The following BCAP31 variants were observed in gnomAD, a reference collection of about 807,000 sequenced individuals.
The protein encoded by BCAP31 is B-cell receptor-associated protein 31.
For missense variants in BCAP31, 124 were observed against 193.0 expected (o/e 0.64, Z 2.12); for synonymous variants, 75 against 80.9 (o/e 0.93, Z 0.39).
intron 2 of BCAP31, among the ~76,000 whole-genome samples, chrX:153,722,441 T>C (rs1431941216): frequency 8.9e-6 from 1 of 111,765 alleles, no homozygotes; most frequent in Admixed American, 9.5e-5. Context: ...CGGGGCCCTC[T>C]ATCTCTGCAC....
intron 4 of BCAP31, chrX:153,704,849 G>A (rs1603223514): frequency 8.9e-6 from 1 of 112,114 alleles, no homozygotes; most frequent in East Asian, 2.8e-4. Flanking sequence ...GGGCTGGAGG[G>A]TGTAGAGGAA....
intron 3 of BCAP31, among the ~76,000 whole-genome samples, chrX:153,720,499 G>C (rs1314441946): frequency 9.0e-6 from 1 of 110,606 alleles, no homozygotes; most frequent in African/African-American, 3.3e-5. Context: ...CAAGTAGCTG[G>C]GATTACAGGT....
chrX:153,722,301 G>A (rs954360211), intron 2 of BCAP31, among the ~76,000 whole-genome samples: 7 of 112,349 alleles, frequency 6.2e-5, no homozygotes, highest in Non-Finnish European at 1.1e-4. Flanking sequence ...GCATTCGGTA[G>A]ATAAACGTCT....
At chrX:153,717,714 C>CTCA (rs1557050351) in intron 3 of BCAP31, among the ~76,000 whole-genome samples, 1 of 112,597 alleles carries the variant, frequency 8.9e-6, no homozygotes, top group African/African-American at 3.2e-5. Context: ...GGGCACTGGC[C>CTCA]TCATGGGGTT....
At chrX:153,723,497 T>C (rs782088310) in intron 1 of BCAP31, 83 of 1,154,097 alleles carry the variant, frequency 7.2e-5, no homozygotes, top group Middle Eastern at 2.3e-4. Flanking sequence ...TTCCGTTCGC[T>C]GGTCAATTAC....
chrX:153,702,191 A>G (rs1379447000), intron 6 of BCAP31, 84 bp from the exon 7 acceptor site: 1 of 803,817 alleles, frequency 1.2e-6, no homozygotes, highest in East Asian at 3.4e-5. Flanking sequence ...CAGACACCAG[A>G]AACTGGCCCA....
chrX:153,722,557 G>A (rs1215473223), intron 2 of BCAP31, among the ~76,000 whole-genome samples: 1 of 111,975 alleles, frequency 8.9e-6, no homozygotes, highest in Non-Finnish European at 1.9e-5. Context: ...ACGAAAAAAC[G>A]GCTTTTAAAA....
At chrX:153,720,522 G>A (rs186654024) in intron 3 of BCAP31, among the ~76,000 whole-genome samples, 1 of 109,737 alleles carries the variant, frequency 9.1e-6, no homozygotes, top group East Asian at 2.9e-4. Context: ...CCGCCACCAC[G>A]CCCAGCTAAT....
At chrX:153,710,312 G>GC (rs781948483) in intron 4 of BCAP31, among the ~76,000 whole-genome samples, 1 of 111,843 alleles carries the variant, frequency 8.9e-6, no homozygotes, top group African/African-American at 3.2e-5. Context: ...CCCCACCACA[G>GC]CAGTGGTCCC....
rs1305037332 is a variant in BCAP31, at chrX:153,715,660, C to T, written c.223G>A (p.Asp75Asn). 1.7e-6 allele frequency: 2 copies of T among 1,209,897 alleles called. No homozygotes were observed. Among genetic ancestry groups the T allele is most frequent in the African/African-American group, 3.5e-5 (2 of 57,155 alleles). Residue 75 changes from aspartate to asparagine, a missense_variant, in exon 4 of 8, where the codon GAT (aspartate) becomes AAT (asparagine). By Grantham distance (23) the Asp-to-Asn change is conservative (BLOSUM62 1). Coordinates refer to ENST00000345046, the MANE Select transcript of BCAP31 (RefSeq NM_001256447.2). ...TGGAGGTTCACCTTTTCCGTCACAT[C>T]ATCATACTTCCGAATTTCGCGCACG... ...DAVREIRKYDDVTEKVNLQNN... is the reference protein window; with the variant it reads ...DAVREIRKYDNVTEKVNLQNN...
At position 153,713,606 on chromosome X, in the gene BCAP31, C is replaced by T. The variant is rs187162285; in HGVS notation, c.341+1936G>A. On this transcript the variant is annotated intron_variant, in intron 4 of 7. Coordinates refer to ENST00000345046, the MANE Select transcript of BCAP31 (RefSeq NM_001256447.2). ...CAGGCTGCAGTCTGCCAGTATCTCT[C>T]CCACTCTGCAAATCCTCAAGCATCG... 7.1e-3 allele frequency among the ~76,000 whole-genome samples: 800 copies of T among 112,015 alleles called. 5 individuals carry two copies. Among genetic ancestry groups the T allele is most frequent in the African/African-American group, 0.025 (775 of 30,816 alleles).
intron 4 of BCAP31, among the ~76,000 whole-genome samples, chrX:153,708,396 C>T (rs1297271019): frequency 1.8e-5 from 2 of 112,380 alleles, no homozygotes; most frequent in African/African-American, 6.5e-5. Context: ...GAGCAAGTCC[C>T]GACCAAAAGA....
chrX:153,702,410 G>A, intron 6 of BCAP31: 1 of 253,482 alleles, frequency 3.9e-6, no homozygotes, highest in Non-Finnish European at 7.0e-6. Flanking sequence ...GAGAGTGGGA[G>A]ACAGGGAGCA....
intron 1 of BCAP31, 24 bp from the exon 2 acceptor site, chrX:153,723,312 G>T: frequency 8.5e-7 from 1 of 1,176,740 alleles, no homozygotes; most frequent in Non-Finnish European, 1.1e-6. Flanking sequence ...AAAGGTACGG[G>T]ACTTGTAAGC....
chrX:153,709,614 G>T (rs1481775517), intron 4 of BCAP31, among the ~76,000 whole-genome samples: 1 of 112,678 alleles, frequency 8.9e-6, no homozygotes, highest in Admixed American at 9.3e-5. Context: ...TTCCACAAGT[G>T]GAAACCAGTG....
Position 153,721,144 on chromosome X carries a change from T to C in BCAP31, c.93-172A>G, listed in dbSNP as rs186238626. The stretch of plus-strand genomic sequence containing the variant: ...CTAATTTGACATCCATTCAAGACTA[T>C]TGGAAAAAAGGCCAGGTGCAATGGC... On this transcript the variant is annotated intron_variant, in intron 2 of 7. Coordinates refer to ENST00000345046, the MANE Select transcript of BCAP31 (RefSeq NM_001256447.2). The C allele has an allele frequency of 1.9e-3, 821 of 436,046 alleles. 2 individuals are homozygous for C. Among genetic ancestry groups the C allele is most frequent in the Non-Finnish European group, 1.8e-3 (470 of 254,737 alleles). 35.9% of individuals were successfully genotyped at this position (436,046 alleles called of 1,213,427 possible).
intron 1 of BCAP31, chrX:153,723,804 G>A: frequency 1.2e-6 from 1 of 828,633 alleles, no homozygotes; most frequent in Non-Finnish European, 1.7e-6. Context: ...CGTCCCCACG[G>A]CGCCCGCGGA....
Position 153,700,972 on chromosome X carries a change from C to A in BCAP31, c.706G>T (p.Ala236Ser). 1 of 1,206,874 alleles carries A rather than the reference C, an allele frequency of 8.3e-7. No homozygotes were observed. The highest frequency in any genetic ancestry group is 1.1e-6 in the Non-Finnish European group (1 of 893,204). ...LLEEHAKLQA[A>S]VDGPMDKKEE ...TTCTTGTCCATGGGACCATCTACTG[C>A]AGCCTGGAAAGGGACAGAAATCCCA... The change falls in exon 8 of 8, where the codon GCA becomes TCA. Residue 236 changes from alanine (A) to serine (S), a missense_variant. Coordinates refer to ENST00000345046, the MANE Select transcript of BCAP31 (RefSeq NM_001256447.2).
intron 3 of BCAP31, 60 bp downstream of exon 3, chrX:153,720,812 G>A: frequency 6.3e-6 from 7 of 1,105,999 alleles, no homozygotes; most frequent in Non-Finnish European, 8.7e-6. Context: ...GTGGCAAAGG[G>A]TTTTGCAGCA....
Sources: allele counts gnomAD v4.1 joint callset (sites outside exome capture counted in the v4.1 genomes callset), GRCh38; gene constraint gnomAD v4.1.1; transcripts MANE v1.5; gene names NCBI Gene and HGNC (gene_info 2026-07-23, HGNC 2026-07-21).